Variants in ASTN2 observed in about 807,000 individuals in gnomAD.
ASTN2 encodes astrotactin-2.
ASTN2 carries 54 observed loss-of-function variants against 139.8 expected under a neutral mutation model. That is an observed-to-expected ratio of 0.39 (90% CI 0.31 to 0.48). The LOEUF is 0.48. Ranked by LOEUF, ASTN2 falls within the 20% of genes least tolerant of loss-of-function variation. ASTN2 has a pLI of 0.95. For missense variants in ASTN2, 1,565 were observed against 1,725.1 expected, an observed-to-expected ratio of 0.91 and a Z score of 1.64; for synonymous variants, 756 against 719.5, an observed-to-expected ratio of 1.05 and a Z score of -0.81.
chr9:117,283,642 T>C (rs2130770819), intron 2 of ASTN2, among the ~76,000 whole-genome samples: 1 of 152,330 alleles, frequency 6.6e-6, no homozygotes, highest in Non-Finnish European at 1.5e-5. Context: ...CTATTTGTGC[T>C]GCATGTATTA....
rs1266784411 is a variant in ASTN2, at chr9:117,025,533, A to G, written c.1423+14286T>C. Among the ~76,000 whole-genome samples, 2 of 152,078 alleles carry G rather than the reference A, an allele frequency of 1.3e-5. 1 individual carries two copies. The highest frequency in any genetic ancestry group is 2.9e-5 in the Non-Finnish European group (2 of 68,006). On this transcript the variant is annotated intron_variant, in intron 6 of 22. Transcript: ENST00000313400. Reference sequence around the variant, plus strand: ...TTTGCAGGGAATGGCTGGCCCTGGAACCTTGAAACTCATAGGTCATGTTAA... The same window carrying G: ...TTTGCAGGGAATGGCTGGCCCTGGAGCCTTGAAACTCATAGGTCATGTTAA...
intron 11 of ASTN2, among the ~76,000 whole-genome samples, chr9:116,838,150 C>T (rs1453479090): frequency 6.8e-6 from 1 of 147,288 alleles, no homozygotes; most frequent in African/African-American, 2.5e-5. Flanking sequence ...CGCTCTGTCA[C>T]CCAGGCTGGA....
intron 3 of ASTN2, among the ~76,000 whole-genome samples, chr9:117,145,598 G>A (rs1385378233): frequency 6.6e-6 from 1 of 152,142 alleles, no homozygotes; most frequent in Non-Finnish European, 1.5e-5. Context: ...AGTTCTCACA[G>A]GGTCCAATAA....
intron 19 of ASTN2, among the ~76,000 whole-genome samples, chr9:116,493,903 C>CGTCACT (rs1266442285): frequency 2.0e-5 from 3 of 152,104 alleles, no homozygotes; most frequent in Non-Finnish European, 4.4e-5. Context: ...ATTTAGGAGT[C>CGTCACT]GTCACTCTGG....
At chr9:116,454,902 G>C (rs1357712085) in intron 20 of ASTN2, among the ~76,000 whole-genome samples, 1 of 152,180 alleles carries the variant, frequency 6.6e-6, no homozygotes, top group Non-Finnish European at 1.5e-5. Context: ...TGTGGGGGAA[G>C]AGGGAGGGAT....
chr9:117,393,394 AGAG>A (rs1198993833), intron 1 of ASTN2, among the ~76,000 whole-genome samples: 4 of 152,334 alleles, frequency 2.6e-5, no homozygotes, highest in South Asian at 2.1e-4. Flanking sequence ...ATGTAGAGAA[AGAG>A]GAGAAAAGAG....
chr9:116,478,035 G>C (rs1849045210), intron 20 of ASTN2, among the ~76,000 whole-genome samples: 1 of 147,704 alleles, frequency 6.8e-6, no homozygotes, highest in Admixed American at 6.8e-5. Flanking sequence ...GTTAAAAAAA[G>C]AACAAAAGGA....
At chr9:116,499,736 G>C (rs912799118) in intron 19 of ASTN2, among the ~76,000 whole-genome samples, 2 of 152,080 alleles carry the variant, frequency 1.3e-5, no homozygotes, top group East Asian at 3.9e-4. Flanking sequence ...GGGGATGCTA[G>C]GACCTCATTA....
rs530495798 is a variant in ASTN2, at chr9:117,130,282, C to A, written c.1168+11044G>T. On this transcript the variant is annotated intron_variant, in intron 4 of 22. Transcript: ENST00000313400. ...TGAAATCATGCCACTGCACTCCAGC[C>A]TGGGTGACAGTAAGATTGTATCTCA... Among the ~76,000 whole-genome samples, 314 of 152,258 alleles carry A rather than the reference C, an allele frequency of 2.1e-3. 1 individual carries two copies. The highest frequency in any genetic ancestry group is 4.0e-3 in the Non-Finnish European group (274 of 68,024).
At chr9:117,280,277 A>G (rs1834294246) in intron 2 of ASTN2, among the ~76,000 whole-genome samples, 1 of 152,128 alleles carries the variant, frequency 6.6e-6, no homozygotes, top group African/African-American at 2.4e-5. Flanking sequence ...ATGAGTGAGG[A>G]TGTTAATTTT....
At chr9:116,688,915 A>C (rs745663214) in intron 16 of ASTN2, among the ~76,000 whole-genome samples, 3 of 152,064 alleles carry the variant, frequency 2.0e-5, no homozygotes, top group East Asian at 3.9e-4. Flanking sequence ...TTGAGCATTT[A>C]GTCCTGTGCT....
At chr9:116,894,225 T>A (rs1833831664) in intron 10 of ASTN2, among the ~76,000 whole-genome samples, 1 of 152,128 alleles carries the variant, frequency 6.6e-6, no homozygotes, top group Admixed American at 6.5e-5. Flanking sequence ...TAGTTGGGCA[T>A]TATTCTTGTT....
intron 10 of ASTN2, among the ~76,000 whole-genome samples, chr9:116,893,945 C>A (rs928909810): frequency 5.3e-5 from 8 of 152,156 alleles, no homozygotes; most frequent in African/African-American, 1.9e-4. Context: ...GCTTGAGCAT[C>A]CACATTTTTC....
intron 21 of ASTN2, among the ~76,000 whole-genome samples, chr9:116,441,614 A>G (rs1422898153): frequency 1.3e-5 from 2 of 152,126 alleles, no homozygotes; most frequent in Non-Finnish European, 2.9e-5. Context: ...CACATAAAAC[A>G]TTTATAATTG....
intron 13 of ASTN2, among the ~76,000 whole-genome samples, chr9:116,782,935 T>C (rs1172831432): frequency 1.3e-5 from 2 of 152,198 alleles, no homozygotes; most frequent in African/African-American, 4.8e-5. Context: ...TTTCACTCAC[T>C]AAGTATCTTT....
chr9:117,165,829 T>C (rs1830658420), intron 3 of ASTN2, among the ~76,000 whole-genome samples: 2 of 152,112 alleles, frequency 1.3e-5, no homozygotes, highest in Admixed American at 1.3e-4. Context: ...ATTGGTTGTA[T>C]GGTGAAATGA....
At chr9:116,496,495 A>G (rs1300317371) in intron 19 of ASTN2, among the ~76,000 whole-genome samples, 1 of 152,134 alleles carries the variant, frequency 6.6e-6, no homozygotes, top group African/African-American at 2.4e-5. Context: ...ATATAAAGGT[A>G]TATCTTCAAG....
chr9:117,341,678 A>G (rs1829064677), intron 1 of ASTN2, among the ~76,000 whole-genome samples: 2 of 152,142 alleles, frequency 1.3e-5, no homozygotes, highest in South Asian at 4.2e-4. Flanking sequence ...TGTAAAGTGC[A>G]TAGGAGGATA....
intron 4 of ASTN2, among the ~76,000 whole-genome samples, chr9:117,111,608 C>G (rs978405172): frequency 2.6e-5 from 4 of 151,940 alleles, no homozygotes; most frequent in African/African-American, 9.6e-5. Context: ...ACTGGAGTCT[C>G]AGAGAGATAT....
Sources: allele counts gnomAD v4.1 joint callset (sites outside exome capture counted in the v4.1 genomes callset), GRCh38; gene constraint gnomAD v4.1.1; transcripts MANE v1.5; gene names NCBI Gene and HGNC (gene_info 2026-07-23, HGNC 2026-07-21).